Variants in NEMP2 observed in about 807,000 individuals in gnomAD.
NEMP2 encodes the protein nuclear envelope integral membrane protein 2.
Under a neutral mutation model 54.2 loss-of-function variants are expected in NEMP2, and 53 were observed. That is an observed-to-expected ratio of 0.98 (90% CI 0.78 to 1.23). NEMP2 has a LOEUF of 1.23. NEMP2 is among the 50% of genes most tolerant of loss of function. NEMP2 has a pLI of 0.00. For synonymous variants in NEMP2, 197 were observed against 190.3 expected (o/e 1.04, Z -0.29); for missense variants, 455 against 511.3 (o/e 0.89, Z 1.06).
chr2:190,556,299 C>G, the NEMP2 span, among the ~76,000 whole-genome samples: 1 of 152,138 alleles, frequency 6.6e-6, no homozygotes, highest in East Asian at 1.9e-4. Context: ...TAAAAACTCT[C>G]AATAAACTAG....
rs530935165 is a variant in NEMP2, at chr2:190,516,207, G to A, written c.727+63C>T. ...TGGAGAGAAACATCTATCAAAAGAA[G>A]GCCTCTAGTTGTACATCTCAGTTTT... On this transcript the variant is annotated intron_variant, in intron 6 of 8. Transcript: ENST00000409150. 38 of 1,098,090 alleles carry A rather than the reference G, an allele frequency of 3.5e-5. No homozygotes were observed. The South Asian group carries it at 5.2e-4, about 15-fold the overall frequency. The allele number at this position is 1,098,090 out of a possible 1,614,324, so 68.0% of individuals were successfully genotyped here.
the NEMP2 span, among the ~76,000 whole-genome samples, chr2:190,496,223 A>G: frequency 2.0e-5 from 3 of 152,228 alleles, no homozygotes; most frequent in Non-Finnish European, 2.9e-5. This position sits in a 1 kb window ranked among gnomAD's most constrained non-coding sequence, Gnocchi z 4.7. Context: ...GCCAACAAAC[A>G]TGAAACAATG....
Position 190,531,529 on chromosome 2 carries a change from G to A in NEMP2, c.97+3030C>T, listed in dbSNP as rs905255835. On this transcript the variant is annotated intron_variant, in intron 1 of 8. Transcript: ENST00000409150. This position sits in a 1 kb window ranked among gnomAD's most constrained non-coding sequence, Gnocchi z 4.7. ...ATAGTTGTGCCCAAATTTCTAAGATGTTACAGGAGGCATTAATTATTTACA... is the reference window on the plus strand; with the variant it reads ...ATAGTTGTGCCCAAATTTCTAAGATATTACAGGAGGCATTAATTATTTACA... 2.0e-5 allele frequency among the ~76,000 whole-genome samples: 3 copies of A among 152,206 alleles called. No homozygotes were observed. Among genetic ancestry groups the A allele is most frequent in the African/African-American group, 7.2e-5 (3 of 41,442 alleles).
At chr2:190,615,748 C>T in the NEMP2 span, among the ~76,000 whole-genome samples, 1 of 152,184 alleles carries the variant, frequency 6.6e-6, no homozygotes, top group African/African-American at 2.4e-5. The surrounding 1 kb of genome is among the most constrained non-coding windows in gnomAD (Gnocchi z 4.7). Flanking sequence ...CTAGTGATCT[C>T]ATTAGCACAC....
intron 6 of NEMP2, among the ~76,000 whole-genome samples, chr2:190,515,298 C>G (rs911407467): frequency 3.3e-5 from 5 of 152,172 alleles, no homozygotes; most frequent in Non-Finnish European, 7.4e-5. Flanking sequence ...AAGGGGTCAT[C>G]AGATAAATCT....
chr2:190,583,723 T>G, the NEMP2 span, among the ~76,000 whole-genome samples: 2 of 152,218 alleles, frequency 1.3e-5, no homozygotes, highest in Non-Finnish European at 2.9e-5. Flanking sequence ...CACATCAGGT[T>G]GAATCATCTA....
chr2:190,425,674 C>T, the NEMP2 span, among the ~76,000 whole-genome samples: 1 of 152,116 alleles, frequency 6.6e-6, no homozygotes, highest in African/African-American at 2.4e-5. The surrounding 1 kb of genome is among the most constrained non-coding windows in gnomAD (Gnocchi z 4.3). Flanking sequence ...AATATTGCAT[C>T]AGCCTTGTAT....
upstream of NEMP2, among the ~76,000 whole-genome samples, chr2:190,538,921 G>A (rs187384326): frequency 6.6e-5 from 10 of 152,140 alleles, no homozygotes; most frequent in Admixed American, 4.6e-4. The surrounding 1 kb of genome is among the most constrained non-coding windows in gnomAD (Gnocchi z 4.1). Flanking sequence ...TGTCTCTTCC[G>A]TTTGTTGAGT....
intron 4 of NEMP2, among the ~76,000 whole-genome samples, chr2:190,517,919 A>G (rs1394540621): frequency 6.6e-6 from 1 of 152,224 alleles, no homozygotes; most frequent in Non-Finnish European, 1.5e-5. Context: ...GGAGAAAATT[A>G]AGGCACCAAA....
At chr2:190,434,790 G>C in the NEMP2 span, among the ~76,000 whole-genome samples, 1 of 152,108 alleles carries the variant, frequency 6.6e-6, no homozygotes, top group Non-Finnish European at 1.5e-5. The surrounding 1 kb of genome is among the most constrained non-coding windows in gnomAD (Gnocchi z 4.3). Flanking sequence ...TTATTTTTCA[G>C]TTTAGTGTGT....
chr2:190,460,257 G>A, the NEMP2 span, among the ~76,000 whole-genome samples: 1 of 152,092 alleles, frequency 6.6e-6, no homozygotes, highest in South Asian at 2.1e-4. Flanking sequence ...TTCAACCATA[G>A]CCTATTAATG....
the NEMP2 span, among the ~76,000 whole-genome samples, chr2:190,443,623 A>C: frequency 1.3e-5 from 2 of 152,248 alleles, no homozygotes; most frequent in Non-Finnish European, 2.9e-5. This position sits in a 1 kb window ranked among gnomAD's most constrained non-coding sequence, Gnocchi z 4.2. Context: ...CATCTTAGTC[A>C]AATTGAAATT....
the NEMP2 span, among the ~76,000 whole-genome samples, chr2:190,580,765 C>T: frequency 6.6e-6 from 1 of 152,030 alleles, no homozygotes; most frequent in South Asian, 2.1e-4. The surrounding 1 kb of genome is among the most constrained non-coding windows in gnomAD (Gnocchi z 5.3). Flanking sequence ...CTGACATTAC[C>T]CAGGATAACA....
At chr2:190,631,019 T>C in the NEMP2 span, among the ~76,000 whole-genome samples, 1 of 151,052 alleles carries the variant, frequency 6.6e-6, no homozygotes, top group South Asian at 2.1e-4. Context: ...AAAAAAGATC[T>C]GAGTCACACA....
At chr2:190,584,745 A>G in the NEMP2 span, among the ~76,000 whole-genome samples, 7 of 151,984 alleles carry the variant, frequency 4.6e-5, no homozygotes, top group Non-Finnish European at 7.4e-5. The surrounding 1 kb of genome is among the most constrained non-coding windows in gnomAD (Gnocchi z 4.2). Context: ...GTGTGGTGGC[A>G]CACACCTGTG....
chr2:190,582,588 A>G, the NEMP2 span, among the ~76,000 whole-genome samples: 3 of 152,214 alleles, frequency 2.0e-5, no homozygotes, highest in Non-Finnish European at 2.9e-5. The surrounding 1 kb of genome is among the most constrained non-coding windows in gnomAD (Gnocchi z 4.6). Context: ...AATTAATCAA[A>G]ATAAATTAGT....
chr2:190,642,037 GCT>G, the NEMP2 span, among the ~76,000 whole-genome samples: 1 of 152,132 alleles, frequency 6.6e-6, no homozygotes, highest in African/African-American at 2.4e-5. The surrounding 1 kb of genome is among the most constrained non-coding windows in gnomAD (Gnocchi z 4.1). Flanking sequence ...ATACTTTTCT[GCT>G]CTTTCTATAA....
Position 190,523,326 on chromosome 2 carries a change from A to T in NEMP2, c.213+1937T>A, listed in dbSNP as rs143629023. 4.7e-3 allele frequency among the ~76,000 whole-genome samples: 716 copies of T among 152,306 alleles called. 7 individuals carry two copies. The highest frequency in any genetic ancestry group is 0.017 in the African/African-American group (690 of 41,564). ...TAGGTTTGTTTTTTGTAATGGTATG[A>T]CTTACCAATTCTGTAACTACTTTTA... is the stretch of plus-strand genomic sequence containing the variant. On this transcript the variant is annotated intron_variant, in intron 2 of 8. Coordinates refer to ENST00000409150, the MANE Select transcript of NEMP2 (RefSeq NM_001142645.2). This position sits in a 1 kb window ranked among gnomAD's most constrained non-coding sequence, Gnocchi z 5.3.
At chr2:190,588,730 C>G in the NEMP2 span, among the ~76,000 whole-genome samples, 14 of 152,042 alleles carry the variant, frequency 9.2e-5, no homozygotes, top group African/African-American at 3.4e-4. This position sits in a 1 kb window ranked among gnomAD's most constrained non-coding sequence, Gnocchi z 5.0. Flanking sequence ...AGAGATTATC[C>G]TAATTGAGAA....
Sources: allele counts gnomAD v4.1 joint callset (sites outside exome capture counted in the v4.1 genomes callset), GRCh38; gene constraint gnomAD v4.1.1; non-coding constraint Gnocchi (gnomAD v3.1); transcripts MANE v1.5; gene names NCBI Gene and HGNC (gene_info 2026-07-23, HGNC 2026-07-21).